The following MTHFD1L variants were observed in gnomAD, a reference collection of about 807,000 sequenced individuals.
The protein encoded by MTHFD1L is methylenetetrahydrofolate dehydrogenase (NADP+ dependent) 1 like.
A neutral mutation model predicts 119.5 loss-of-function variants in MTHFD1L; 81 were observed. That is an observed-to-expected ratio of 0.68 (90% CI 0.57 to 0.82). MTHFD1L has a LOEUF of 0.82. Ranked by LOEUF, MTHFD1L falls within the 40% of genes least tolerant of loss-of-function variation. MTHFD1L has a pLI of 0.00. For missense variants in MTHFD1L, 1,125 were observed against 1,253.4 expected (o/e 0.90, Z 1.55); for synonymous variants, 430 against 475.2 (o/e 0.90, Z 1.24).
At chr6:150,960,892 A>C (rs1232028279) in intron 18 of MTHFD1L, among the ~76,000 whole-genome samples, 1 of 152,086 alleles carries the variant, frequency 6.6e-6, no homozygotes, top group African/African-American at 2.4e-5. Flanking sequence ...TTGGGGCCTT[A>C]GATTTGGGTT....
chr6:150,909,255 A>G (rs2128860810), intron 8 of MTHFD1L, among the ~76,000 whole-genome samples: 1 of 151,040 alleles, frequency 6.6e-6, no homozygotes, highest in African/African-American at 2.4e-5. Context: ...TAGCTGTAAG[A>G]GTAACTACTT....
intron 26 of MTHFD1L, chr6:151,088,390 A>G (rs1562647919): frequency 0.021 from 1 of 48 alleles, no homozygotes; most frequent in Admixed American, 0.5. Flanking sequence ...TCTGAAAGAA[A>G]GAAAAGTTGA....
intron 16 of MTHFD1L, among the ~76,000 whole-genome samples, chr6:150,955,716 T>C (rs1050765606): frequency 6.6e-6 from 1 of 152,078 alleles, no homozygotes; most frequent in African/African-American, 2.4e-5. Context: ...GCCAGGCTGG[T>C]CTGGAACTCC....
intron 26 of MTHFD1L, among the ~76,000 whole-genome samples, chr6:151,086,443 G>A (rs955027352): frequency 6.6e-6 from 1 of 152,170 alleles, no homozygotes; most frequent in East Asian, 1.9e-4. Flanking sequence ...GGAAGAGACA[G>A]AAAGAAAAGG....
intron 26 of MTHFD1L, among the ~76,000 whole-genome samples, chr6:151,077,380 C>T (rs921445044): frequency 3.9e-5 from 6 of 152,212 alleles, no homozygotes; most frequent in Admixed American, 3.3e-4. Context: ...CAGTGGCTCA[C>T]GCCTGTAATC....
chr6:151,066,203 G>A (rs562106156), intron 26 of MTHFD1L, among the ~76,000 whole-genome samples: 31 of 152,154 alleles, frequency 2.0e-4, no homozygotes, highest in African/African-American at 6.7e-4. Flanking sequence ...TTGGGAGGCC[G>A]AGGCGGGCGG....
chr6:151,058,956 G>A (rs918413023), intron 26 of MTHFD1L, among the ~76,000 whole-genome samples: 2 of 151,914 alleles, frequency 1.3e-5, no homozygotes, highest in Admixed American at 6.6e-5. Flanking sequence ...GAGTACAGGC[G>A]TGAGCCACCG....
At chr6:151,001,300 T>C (rs1018257267) in intron 20 of MTHFD1L, among the ~76,000 whole-genome samples, 1 of 152,198 alleles carries the variant, frequency 6.6e-6, no homozygotes, top group Non-Finnish European at 1.5e-5. Flanking sequence ...CTTAGTGCCA[T>C]AGCAAGGCAG....
At chr6:151,099,083 T>C (rs1352068251) in intron 27 of MTHFD1L, among the ~76,000 whole-genome samples, 1 of 150,730 alleles carries the variant, frequency 6.6e-6, no homozygotes, top group Non-Finnish European at 1.5e-5. Context: ...AGCTGAACCC[T>C]GAGAATTGCT....
At chr6:150,965,391 C>A (rs1771802) in intron 19 of MTHFD1L, among the ~76,000 whole-genome samples, 2 of 152,002 alleles carry the variant, frequency 1.3e-5, no homozygotes, top group African/African-American at 4.8e-5. Context: ...CCAGGCGCGG[C>A]GGCTCATGCC....
intron 24 of MTHFD1L, among the ~76,000 whole-genome samples, chr6:151,029,060 CAAAAA>C (rs923014026): frequency 1.3e-5 from 2 of 151,486 alleles, no homozygotes; most frequent in Non-Finnish European, 2.9e-5. Context: ...CCCTGGGTCA[CAAAAA>C]AAGAAAAGAA....
chr6:150,903,539 C>T (rs1022161749), intron 7 of MTHFD1L, among the ~76,000 whole-genome samples: 1 of 152,174 alleles, frequency 6.6e-6, no homozygotes, highest in Non-Finnish European at 1.5e-5. Context: ...ACCTCAACCT[C>T]CCAAGTAGCT....
At chr6:151,011,446 C>T (rs564987233) in intron 21 of MTHFD1L, among the ~76,000 whole-genome samples, 13 of 150,554 alleles carry the variant, frequency 8.6e-5, no homozygotes, top group Non-Finnish European at 1.8e-4. Context: ...AAGAGAAAAT[C>T]TCTGAGGCAC....
chr6:150,951,232 A>G (rs1794838862), intron 16 of MTHFD1L, among the ~76,000 whole-genome samples: 2 of 151,312 alleles, frequency 1.3e-5, no homozygotes, highest in African/African-American at 4.9e-5. Flanking sequence ...GGGTTTCATC[A>G]TGCTGCCCAG....
chr6:150,871,025 C>G (rs1238275648), intron 1 of MTHFD1L, among the ~76,000 whole-genome samples: 1 of 141,938 alleles, frequency 7.0e-6, no homozygotes, highest in Non-Finnish European at 1.5e-5. Flanking sequence ...ATTATATATA[C>G]CTTAATTTAT....
At chr6:151,045,776 G>A (rs1341217275) in intron 26 of MTHFD1L, among the ~76,000 whole-genome samples, 1 of 152,096 alleles carries the variant, frequency 6.6e-6, no homozygotes, top group Non-Finnish European at 1.5e-5. Flanking sequence ...TCCCAAATAT[G>A]CATTTCCCTG....
In MTHFD1L at chr6:151,034,680, C is replaced by T. The variant is rs529901117; in HGVS notation, c.2694+80C>T. ...ACTCAGCTTGACTTGAGGATTTGTA[C>T]ATATCGCACCAGCTAACCTTTGCTT... On this transcript the variant is annotated intron_variant, in intron 25 of 27. Coordinates refer to ENST00000367321, the MANE Select transcript of MTHFD1L (RefSeq NM_015440.5). 5.2e-5 allele frequency: 45 copies of T among 857,432 alleles called. No individual in the cohort carries two copies. In the African/African-American group the frequency reaches 5.8e-4, roughly 11 times the overall value. The allele number at this position is 857,432 out of a possible 1,614,324, so 53.1% of individuals were successfully genotyped here.
chr6:150,965,672 A>AG, intron 19 of MTHFD1L, among the ~76,000 whole-genome samples: 2 of 119,266 alleles, frequency 1.7e-5, no homozygotes, highest in South Asian at 3.2e-4. Flanking sequence ...AAAAAAAAAA[A>AG]AGAGAAAGTC....
At chr6:150,990,649 A>G (rs1031649914) in intron 20 of MTHFD1L, among the ~76,000 whole-genome samples, 2 of 151,632 alleles carry the variant, frequency 1.3e-5, no homozygotes, top group Non-Finnish European at 2.9e-5. Flanking sequence ...TTTAGTAGAG[A>G]CAGGGCTTCA....
Sources: allele counts gnomAD v4.1 joint callset (sites outside exome capture counted in the v4.1 genomes callset), GRCh38; gene constraint gnomAD v4.1.1; transcripts MANE v1.5; gene names NCBI Gene and HGNC (gene_info 2026-07-23, HGNC 2026-07-21).